Variants in TVP23C observed in about 807,000 individuals in gnomAD.
TVP23C encodes Golgi apparatus membrane protein TVP23 homolog C.
TVP23C carries 19 observed loss-of-function variants against 28.7 expected under a neutral mutation model. The observed-to-expected ratio is 0.66, with a 90% CI of 0.46 to 0.97. The LOEUF (loss-of-function observed/expected upper bound fraction) is 0.97. TVP23C is among the 50% of genes least tolerant of loss of function. TVP23C has a pLI of 0.00. For synonymous variants in TVP23C, 68 were observed against 81.7 expected, an observed-to-expected ratio of 0.83 and a Z score of 0.90; for missense variants, 186 against 241.3, an observed-to-expected ratio of 0.77 and a Z score of 1.52.
At chr17:15,508,177 T>G (rs1369095299) in intron 5 of TVP23C, among the ~76,000 whole-genome samples, 1 of 152,162 alleles carries the variant, frequency 6.6e-6, no homozygotes, top group Admixed American at 6.5e-5. Flanking sequence ...GAGGTACTCC[T>G]CTGCTGGGTT....
chr17:15,511,683 A>G (rs1398669970), intron 5 of TVP23C, among the ~76,000 whole-genome samples: 1 of 152,124 alleles, frequency 6.6e-6, no homozygotes, highest in Admixed American at 6.6e-5. Context: ...AATGTCCCCA[A>G]GTTTATGGAA....
At chr17:15,526,074 G>A (rs560820881) in intron 5 of TVP23C, among the ~76,000 whole-genome samples, 3 of 152,154 alleles carry the variant, frequency 2.0e-5, no homozygotes, top group Admixed American at 6.6e-5. Context: ...CCCTTTACCC[G>A]CTGCCATATC....
intron 3 of TVP23C, among the ~76,000 whole-genome samples, chr17:15,550,435 T>C (rs1297053781): frequency 1.3e-5 from 2 of 152,224 alleles, no homozygotes; most frequent in Admixed American, 1.3e-4. Flanking sequence ...TTTTTGTAAA[T>C]GTTCCACAGG....
chr17:15,539,269 G>T lies in TVP23C; in HGVS notation c.*1143C>A. 5 of 985,328 alleles carry T rather than the reference G, an allele frequency of 5.1e-6. No homozygotes were observed. Among genetic ancestry groups the T allele is most frequent in the Non-Finnish European group, 6.0e-6 (5 of 829,902 alleles). 61.0% of individuals were successfully genotyped at this position (985,328 alleles called of 1,614,324 possible). A position where few individuals can be genotyped will look rare whatever the true frequency, so the allele number is the denominator to read the frequency against. On this transcript the variant is annotated 3_prime_UTR_variant, in exon 6 of 6. Transcript: ENST00000518321. ...ATCCCTGTCCTACATAATATCACTT[G>T]CCCAACCTACTGTACTAACCAAATG...
chr17:15,534,753 G>A (rs1423056127), downstream of TVP23C, among the ~76,000 whole-genome samples: 9 of 151,558 alleles, frequency 5.9e-5, no homozygotes, highest in East Asian at 1.5e-3. Context: ...CAGATCACCT[G>A]AGGTCGGGAG....
chr17:15,553,619 C>T lies in TVP23C; in HGVS notation c.240+66G>A, dbSNP rs1285782026. 5.9e-6 allele frequency: 9 copies of T among 1,536,478 alleles called. No individual in the cohort carries two copies. The East Asian group carries it at 1.2e-4, about 21-fold the overall frequency. ...AAAAGATTAACAATAATGCAAAATG[C>T]TGTCATATTTTTATACATCATTTTC... On this transcript the variant is annotated intron_variant, in intron 3 of 5. Transcript: ENST00000518321.
In TVP23C at chr17:15,538,064, A is replaced by G; in HGVS notation, c.*2348T>C. On this transcript the variant is annotated 3_prime_UTR_variant, in exon 6 of 6. Transcript: ENST00000518321. ...GTTGCAACATGGACTAAGCTCTAAA[A>G]GGTTGAGTCAAGAATCTCTTCAGTT... The G allele has an allele frequency of 6.2e-7, 1 of 1,605,276 alleles. No homozygotes were observed. The highest frequency in any genetic ancestry group is 8.5e-7 in the Non-Finnish European group (1 of 1,176,688).
chr17:15,540,081 A>G lies in TVP23C; in HGVS notation c.*331T>C. The G allele has an allele frequency of 1.1e-5, 13 of 1,138,886 alleles. No individual in the cohort carries two copies. The highest frequency in any genetic ancestry group is 1.4e-5 in the Non-Finnish European group (13 of 924,848). The allele number at this position is 1,138,886 out of a possible 1,614,324, so 70.5% of individuals were successfully genotyped here. ...GCACTCCAGCCTGGGCGACAGAGCA[A>G]AACTCTGTCTCAAAAAATAAAAATA... On this transcript the variant is annotated 3_prime_UTR_variant, in exon 6 of 6. Transcript: ENST00000518321.
chr17:15,507,096 G>C (rs1354902336), intron 5 of TVP23C: 2 of 1,083,028 alleles, frequency 1.8e-6, no homozygotes, highest in African/African-American at 3.1e-5. Flanking sequence ...GTGCCTCTAC[G>C]GGGAGAAATT....
intron 5 of TVP23C, 44 bp from the exon 6 acceptor site, chr17:15,540,605 T>C (rs1597531917): frequency 4.4e-6 from 7 of 1,600,782 alleles, no homozygotes; most frequent in Middle Eastern, 1.7e-4. Context: ...TGGCCTGAAA[T>C]TGACCTTTCT....
At position 15,538,301 on chromosome 17, in the gene TVP23C, A is replaced by T. The variant is rs531818237; in HGVS notation, c.*2111T>A. 2 of 1,454,768 alleles carry T rather than the reference A, an allele frequency of 1.4e-6. No individual in the cohort carries two copies. The highest frequency in any genetic ancestry group is 3.0e-5 in the South Asian group (2 of 66,414). The allele number at this position is 1,454,768 out of a possible 1,614,324, so 90.1% of individuals were successfully genotyped here. ...ATGGCCCAATCACATTAAAAAGTAG[A>T]CATGCTAGGCTGGGCGCCGTGGCTT... On this transcript the variant is annotated 3_prime_UTR_variant, in exon 6 of 6. Transcript: ENST00000518321.
At chr17:15,521,863 C>T (rs1369695728) in intron 5 of TVP23C, among the ~76,000 whole-genome samples, 1 of 152,194 alleles carries the variant, frequency 6.6e-6, no homozygotes, top group African/African-American at 2.4e-5. Context: ...CTCCACATGT[C>T]TCTCATTCTC....
At chr17:15,550,404 T>G (rs1983835566) in intron 3 of TVP23C, among the ~76,000 whole-genome samples, 1 of 152,230 alleles carries the variant, frequency 6.6e-6, no homozygotes, top group Admixed American at 6.5e-5. Flanking sequence ...TTTGATTTTC[T>G]TCACAGTGAT....
At position 15,562,093 on chromosome 17, in the gene TVP23C, C is replaced by CATAAAATGGGT. The variant is rs1984423201; in HGVS notation, c.12+1343_12+1344insACCCATTTTAT. The CATAAAATGGGT allele has an allele frequency of 3.9e-5, 6 of 152,336 alleles. No homozygotes were observed. The South Asian group carries it at 1.2e-3, about 32-fold the overall frequency. The allele number at this position is 152,336 out of a possible 1,614,324, so 9.4% of individuals were successfully genotyped here. On this transcript the variant is annotated intron_variant, in intron 1 of 5. Transcript: ENST00000518321. ...ATTAACCATATCACTAAGAAATACC[C>CATAAAATGGGT]ATAAAAATGGGCCACCAGCAGCCCT...
At chr17:15,560,933 A>C (rs1984354763) in intron 1 of TVP23C, among the ~76,000 whole-genome samples, 1 of 150,772 alleles carries the variant, frequency 6.6e-6, no homozygotes, top group African/African-American at 2.4e-5. Context: ...GGATTAAAAA[A>C]CTGATGATGC....
intron 5 of TVP23C, among the ~76,000 whole-genome samples, chr17:15,529,780 G>GT (rs1001463137): frequency 7.2e-5 from 11 of 152,154 alleles, no homozygotes; most frequent in African/African-American, 2.6e-4. Context: ...GTTGGATCAT[G>GT]TTTTTTGCCA....
intron 1 of TVP23C, among the ~76,000 whole-genome samples, chr17:15,558,218 C>G: frequency 6.9e-6 from 1 of 145,874 alleles, no homozygotes; most frequent in Non-Finnish European, 1.5e-5. Flanking sequence ...TAATCGCCAT[C>G]CAGCGGCCAG....
At chr17:15,528,857 C>T (rs1272225049) in intron 5 of TVP23C, among the ~76,000 whole-genome samples, 1 of 151,664 alleles carries the variant, frequency 6.6e-6, no homozygotes, top group Non-Finnish European at 1.5e-5. Flanking sequence ...CTCAGCCTCC[C>T]AAAGTGCTGG....
chr17:15,539,748 C>A lies in TVP23C; in HGVS notation c.*664G>T. 1.0e-6 allele frequency: 1 copy of A among 985,094 alleles called. No individual in the cohort carries two copies. Among genetic ancestry groups the A allele is most frequent in the Non-Finnish European group, 1.2e-6 (1 of 829,764 alleles). The allele number at this position is 985,094 out of a possible 1,614,324, so 61.0% of individuals were successfully genotyped here. ...TTATGTTCTAGGGGGAAAAAAACATCTGAGTACAAATGTTATGGTCTTCTT... is the reference window on the plus strand; with the variant it reads ...TTATGTTCTAGGGGGAAAAAAACATATGAGTACAAATGTTATGGTCTTCTT... On this transcript the variant is annotated 3_prime_UTR_variant, in exon 6 of 6. Transcript: ENST00000518321.
Sources: allele counts gnomAD v4.1 joint callset (sites outside exome capture counted in the v4.1 genomes callset), GRCh38; gene constraint gnomAD v4.1.1; transcripts MANE v1.5; gene names NCBI Gene and HGNC (gene_info 2026-07-23, HGNC 2026-07-21).